Variants in CTNNA1 observed in about 807,000 individuals in gnomAD.
The protein encoded by CTNNA1 is catenin alpha-1.
In CTNNA1, 37 loss-of-function variants were observed where a neutral mutation model predicts 98.4. The ratio of observed to expected loss-of-function variants is 0.38; its 90% CI spans 0.29 to 0.49. CTNNA1 has a LOEUF of 0.49. Ranked by LOEUF, CTNNA1 falls within the 20% of genes least tolerant of loss-of-function variation. The pLI, the probability that CTNNA1 is intolerant of heterozygous loss-of-function variation, is 0.95. For synonymous variants in CTNNA1, 404 were observed against 413.2 expected, an observed-to-expected ratio of 0.98 and a Z score of 0.27; for missense variants, 761 against 1,147.2, an observed-to-expected ratio of 0.66 and a Z score of 4.86.
At chr5:138,842,251 G>A (rs1304815114) in intron 7 of CTNNA1, among the ~76,000 whole-genome samples, 1 of 152,118 alleles carries the variant, frequency 6.6e-6, no homozygotes, top group East Asian at 1.9e-4. Context: ...AGTGAGCCAT[G>A]ATGGCACCAC....
intron 9 of CTNNA1, among the ~76,000 whole-genome samples, chr5:138,892,400 C>T (rs1755651635): frequency 8.4e-6 from 1 of 119,038 alleles, no homozygotes; most frequent in South Asian, 2.9e-4. Flanking sequence ...AGTGCAGTGA[C>T]ATGATCTTGG....
At chr5:138,788,105 C>CAATCTTA (rs1293761490) in intron 3 of CTNNA1, among the ~76,000 whole-genome samples, 11 of 152,026 alleles carry the variant, frequency 7.2e-5, no homozygotes, top group African/African-American at 2.2e-4. Flanking sequence ...CTCCCGTATC[C>CAATCTTA]CCCCATCCTT....
chr5:138,849,216 A>G (rs1324573153), intron 7 of CTNNA1, among the ~76,000 whole-genome samples: 2 of 152,128 alleles, frequency 1.3e-5, no homozygotes, highest in Non-Finnish European at 2.9e-5. Flanking sequence ...TACTGTAACT[A>G]TTCATGTAGT....
At chr5:138,817,677 T>C (rs1468223448) in intron 5 of CTNNA1, among the ~76,000 whole-genome samples, 2 of 152,180 alleles carry the variant, frequency 1.3e-5, no homozygotes, top group Admixed American at 1.3e-4. Context: ...TGAGATTTTC[T>C]TTTTCTTGGT....
chr5:138,873,554 G>C lies in CTNNA1; in HGVS notation c.1063-12658G>C. 6.2e-7 allele frequency: 1 copy of C among 1,613,968 alleles called. No individual in the cohort carries two copies. Among genetic ancestry groups the C allele is most frequent in the South Asian group, 1.1e-5 (1 of 91,078 alleles). On this transcript the variant is annotated intron_variant, in intron 7 of 17. Transcript: ENST00000302763. The surrounding 1 kb of genome is among the most constrained non-coding windows in gnomAD (Gnocchi z 6.1). Reference sequence around the variant, plus strand: ...GTGGTCAGGACTGTGGCATAGGATGGAGTGTTCCCACCGACCTTGGAAACT... The same window carrying C: ...GTGGTCAGGACTGTGGCATAGGATGCAGTGTTCCCACCGACCTTGGAAACT...
chr5:138,855,046 G>T (rs1266887388), intron 7 of CTNNA1, among the ~76,000 whole-genome samples: 1 of 152,170 alleles, frequency 6.6e-6, no homozygotes, highest in Non-Finnish European at 1.5e-5. Context: ...TTGTTTGTTT[G>T]TTTTTGTTTT....
At chr5:138,918,902 A>C (rs1312877837) in intron 11 of CTNNA1, among the ~76,000 whole-genome samples, 1 of 152,210 alleles carries the variant, frequency 6.6e-6, no homozygotes, top group Non-Finnish European at 1.5e-5. Flanking sequence ...GCGGGGCTTA[A>C]GTACATGCAC....
intron 3 of CTNNA1, among the ~76,000 whole-genome samples, chr5:138,796,699 A>T (rs902889961): frequency 8.5e-5 from 13 of 152,212 alleles, no homozygotes; most frequent in African/African-American, 3.1e-4. Flanking sequence ...ATGCTCATGA[A>T]ACTGATCCTG....
intron 11 of CTNNA1, among the ~76,000 whole-genome samples, chr5:138,922,324 A>G (rs1490385352): frequency 2.6e-5 from 4 of 152,254 alleles, no homozygotes; most frequent in Non-Finnish European, 4.4e-5. Flanking sequence ...GAAAGACTGA[A>G]TAAGTGAATT....
intron 10 of CTNNA1, among the ~76,000 whole-genome samples, chr5:138,905,848 C>T (rs1759131739): frequency 6.6e-6 from 1 of 152,174 alleles, no homozygotes; most frequent in Admixed American, 6.5e-5. Context: ...GTGTAAATTG[C>T]TCATGGCATA....
chr5:138,845,337 C>A (rs1561586230), intron 7 of CTNNA1, among the ~76,000 whole-genome samples: 1 of 152,088 alleles, frequency 6.6e-6, no homozygotes. Context: ...GCTGAGAATC[C>A]GGTGAATCAA....
At chr5:138,780,176 A>G (rs1754899487) in intron 1 of CTNNA1, among the ~76,000 whole-genome samples, 1 of 151,664 alleles carries the variant, frequency 6.6e-6, no homozygotes, top group African/African-American at 2.4e-5. Context: ...TAAAGATTTT[A>G]TTTTATTTAT....
intron 3 of CTNNA1, among the ~76,000 whole-genome samples, chr5:138,805,208 C>T (rs1342070399): frequency 6.6e-6 from 1 of 152,228 alleles, no homozygotes; most frequent in African/African-American, 2.4e-5. Flanking sequence ...CACCAGGCCC[C>T]ACCTCCAACA....
At chr5:138,822,930 A>G (rs1052881363) in intron 5 of CTNNA1, among the ~76,000 whole-genome samples, 4 of 152,242 alleles carry the variant, frequency 2.6e-5, no homozygotes, top group African/African-American at 9.6e-5. Flanking sequence ...AAGATGAACC[A>G]CTAAATAGCT....
At chr5:138,796,285 G>A (rs1173046137) in intron 3 of CTNNA1, among the ~76,000 whole-genome samples, 1 of 152,102 alleles carries the variant, frequency 6.6e-6, no homozygotes, top group Non-Finnish European at 1.5e-5. Context: ...GGCTGGGTGC[G>A]GTGGCTCATG....
At chr5:138,817,214 A>G (rs1462457694) in intron 5 of CTNNA1, among the ~76,000 whole-genome samples, 1 of 152,112 alleles carries the variant, frequency 6.6e-6, no homozygotes, top group Non-Finnish European at 1.5e-5. Context: ...TGAATATAAC[A>G]TTCCATTTTT....
At chr5:138,861,790 G>A (rs1486527921) in intron 7 of CTNNA1, among the ~76,000 whole-genome samples, 1 of 152,220 alleles carries the variant, frequency 6.6e-6, no homozygotes, top group Non-Finnish European at 1.5e-5. Flanking sequence ...GCAAAGAGAA[G>A]CGTGGACTGA....
intron 10 of CTNNA1, among the ~76,000 whole-genome samples, chr5:138,913,727 T>G (rs1289757610): frequency 1.3e-5 from 2 of 152,230 alleles, no homozygotes; most frequent in Non-Finnish European, 2.9e-5. Flanking sequence ...GTCCATTATA[T>G]TATTATTTAA....
intron 10 of CTNNA1, among the ~76,000 whole-genome samples, chr5:138,912,879 A>C (rs1363489299): frequency 2.6e-5 from 4 of 152,032 alleles, no homozygotes; most frequent in African/African-American, 9.7e-5. Flanking sequence ...TGTTTTCCTT[A>C]TTGATTTACC....
Sources: allele counts gnomAD v4.1 joint callset (sites outside exome capture counted in the v4.1 genomes callset), GRCh38; gene constraint gnomAD v4.1.1; non-coding constraint Gnocchi (gnomAD v3.1); transcripts MANE v1.5; gene names NCBI Gene and HGNC (gene_info 2026-07-23, HGNC 2026-07-21).